The following PAN2 variants were observed in gnomAD, a reference collection of about 807,000 sequenced individuals.
The protein encoded by PAN2 is PAN2-PAN3 deadenylation complex catalytic subunit PAN2.
In PAN2, 68 loss-of-function variants were observed where a neutral mutation model predicts 133.3. The ratio of observed to expected loss-of-function variants is 0.51; its 90% CI spans 0.42 to 0.62. The LOEUF (loss-of-function observed/expected upper bound fraction) is 0.62. Ranked by LOEUF, PAN2 falls within the 20% of genes least tolerant of loss-of-function variation. PAN2 has a pLI of 0.00. For missense variants in PAN2, 1,042 were observed against 1,500.5 expected (o/e 0.69, Z 5.05); for synonymous variants, 462 against 544.6 (o/e 0.85, Z 2.11).
At chr12:56,322,573 G>T in intron 18 of PAN2, 42 bp downstream of exon 18, 1 of 1,612,502 alleles carries the variant, frequency 6.2e-7, no homozygotes, top group Non-Finnish European at 8.5e-7. Context: ...GACTCACTGT[G>T]GCCATCCCAG....
intron 20 of PAN2, among the ~76,000 whole-genome samples, chr12:56,320,310 A>C (rs1221000750): frequency 6.6e-6 from 1 of 152,186 alleles, no homozygotes; most frequent in Non-Finnish European, 1.5e-5. Flanking sequence ...GTTACAGAGA[A>C]ACTATGGTTT....
chr12:56,319,354 A>G lies in PAN2; in HGVS notation c.3224T>C (p.Phe1075Ser). The change falls in exon 23 of 26, where the codon TTT (phenylalanine) becomes TCT (serine). Residue 1075 changes from phenylalanine (F) to serine (S), a missense_variant. Around this residue, in one of 3 missense-constraint regions of PAN2, gnomAD observed 49 missense variants for 160.5 expected, o/e 0.31. Coordinates refer to ENST00000440411, the MANE Select transcript of PAN2 (RefSeq NM_014871.6). This position sits in a 1 kb window ranked among gnomAD's most constrained non-coding sequence, Gnocchi z 5.4. ...LRFLIDIGVK[F>S]VGHGLQKDFR... ...GTCCTTCTGCAGGCCATGACCCACA[A>G]ACTTGACTCCAATGTCAATGAGAAA... 6.2e-7 allele frequency: 1 copy of G among 1,614,148 alleles called. No individual in the cohort carries two copies. Among genetic ancestry groups the G allele is most frequent in the Non-Finnish European group, 8.5e-7 (1 of 1,180,020 alleles).
At position 56,331,730 on chromosome 12, in the gene PAN2, T is replaced by C. The variant is rs148700673; in HGVS notation, c.282+1083A>G. Among the ~76,000 whole-genome samples, 1,320 of 152,224 alleles carry C rather than the reference T, an allele frequency of 8.7e-3. 23 individuals carry two copies. The highest frequency in any genetic ancestry group is 0.031 in the African/African-American group (1,277 of 41,512). ...TTTTTTTTTTGTTTTTTGTTTTTTT[T>C]TGAGACGGAGTCTCGCTCTGTCACC... On this transcript the variant is annotated intron_variant, in intron 2 of 25. Coordinates refer to ENST00000440411, the MANE Select transcript of PAN2 (RefSeq NM_014871.6).
Position 56,332,875 on chromosome 12 carries a change from C to T in PAN2, c.220G>A (p.Val74Ile). 1 of 1,614,236 alleles carries T rather than the reference C, an allele frequency of 6.2e-7. No individual in the cohort carries two copies. Among genetic ancestry groups the T allele is most frequent in the Non-Finnish European group, 8.5e-7 (1 of 1,180,050 alleles). Residue 74 changes from valine (V) to isoleucine (I), a missense_variant, in exon 2 of 26, where the codon GTA becomes ATA. Transcript: ENST00000440411. ...ELHSVVAEVG[V>I]PVSVSHFDLH... ...TCAAAGTGGGAGACGGAAACAGGTACACCCACTTCAGCCACCACGCTGTGC... is the reference window on the plus strand; with the variant it reads ...TCAAAGTGGGAGACGGAAACAGGTATACCCACTTCAGCCACCACGCTGTGC...
intron 2 of PAN2, among the ~76,000 whole-genome samples, chr12:56,331,418 G>T (rs1216289516): frequency 6.6e-6 from 1 of 152,120 alleles, no homozygotes; most frequent in Non-Finnish European, 1.5e-5. Flanking sequence ...CTTCCTCCTC[G>T]ATGCCCTTTC....
At position 56,327,634 on chromosome 12, in the gene PAN2, A is replaced by AC. The variant is rs762116988; in HGVS notation, c.652-4_652-3insG. ...GTACGGAGGTCTCTCAGGGAAACCT[A>AC]GAAAAAAAAAATTCAGTTATCTGCA... On this transcript the variant is annotated splice_region_variant and splice_polypyrimidine_tract_variant and intron_variant, in intron 5 of 25. Coordinates refer to ENST00000440411, the MANE Select transcript of PAN2 (RefSeq NM_014871.6). The AC allele has an allele frequency of 5.6e-6, 9 of 1,610,592 alleles. No homozygotes were observed. The highest frequency in any genetic ancestry group is 7.6e-6 in the Non-Finnish European group (9 of 1,177,904).
chr12:56,323,202 G>T lies in PAN2; in HGVS notation c.2353C>A (p.Leu785Ile). The T allele has an allele frequency of 6.2e-7, 1 of 1,614,008 alleles. No individual in the cohort carries two copies. ...ACCAGCACACCCTCTGGACTCCCTA[G>T]TTCCTTCCTATCAGGTCAGAAGAAT... The part of the protein sequence containing the change: ...KEFALADWKE[L>I]GSPEGVLVCP... The change falls in exon 17 of 26, where the codon CTA (leucine) becomes ATA (isoleucine). Residue 785 changes from leucine (L) to isoleucine (I), a missense_variant. Physicochemically the swap from Leu to Ile is conservative, Grantham distance 5. Coordinates refer to ENST00000440411, the MANE Select transcript of PAN2 (RefSeq NM_014871.6).
At position 56,327,358 on chromosome 12, in the gene PAN2, T is replaced by G; in HGVS notation, c.919+6A>C. On this transcript the variant is annotated splice_donor_region_variant and intron_variant, in intron 6 of 25. Transcript: ENST00000440411. ...CCTCCTACCCAATCCCATATGCCCTTCATACCTGACTGAGAGATGATAGCA... is the reference window on the plus strand; with the variant it reads ...CCTCCTACCCAATCCCATATGCCCTGCATACCTGACTGAGAGATGATAGCA... The G allele has an allele frequency of 6.2e-7, 1 of 1,613,998 alleles. No homozygotes were observed. The highest frequency in any genetic ancestry group is 8.5e-7 in the Non-Finnish European group (1 of 1,179,870).
intron 25 of PAN2, 136 bp downstream of exon 25, chr12:56,318,101 C>A: frequency 1.4e-6 from 1 of 711,236 alleles, no homozygotes. Context: ...CACTTGAGCC[C>A]AGGAAGTCGA....
intron 2 of PAN2, among the ~76,000 whole-genome samples, chr12:56,331,855 A>T (rs1340738106): frequency 1.3e-5 from 2 of 152,112 alleles, no homozygotes; most frequent in Admixed American, 1.3e-4. Flanking sequence ...CTGGGACTAC[A>T]GGCGCCTGCC....
chr12:56,328,182 C>T, intron 4 of PAN2, 56 bp downstream of exon 4: 1 of 1,595,314 alleles, frequency 6.3e-7, no homozygotes, highest in South Asian at 1.1e-5. Flanking sequence ...CAAGCATACC[C>T]TGCCCCCGCA....
chr12:56,323,957 CCA>C (rs1874842639), intron 13 of PAN2, 44 bp from the exon 14 acceptor site: 1 of 1,605,978 alleles, frequency 6.2e-7, no homozygotes, highest in Admixed American at 1.7e-5. Context: ...TCCCCTCTAC[CCA>C]CAGTTAGTCC....
chr12:56,323,969 C>T (rs1350511750), intron 13 of PAN2, 56 bp from the exon 14 acceptor site: 2 of 1,607,880 alleles, frequency 1.2e-6, no homozygotes, highest in Non-Finnish European at 1.7e-6. Flanking sequence ...ACAGTTAGTC[C>T]CCAACACCCT....
In PAN2 at chr12:56,317,372, C is replaced by T. The variant is rs1415000681; in HGVS notation, c.*237G>A. The T allele has an allele frequency of 1.8e-6, 1 of 569,748 alleles. No homozygotes were observed. The highest frequency in any genetic ancestry group is 1.9e-5 in the African/African-American group (1 of 53,142). 35.3% of individuals were successfully genotyped at this position (569,748 alleles called of 1,614,324 possible). On this transcript the variant is annotated 3_prime_UTR_variant, in exon 26 of 26. Coordinates refer to ENST00000440411, the MANE Select transcript of PAN2 (RefSeq NM_014871.6). ...ACTTTCCATCTGGGTCAATTCTAGA[C>T]TCCATGTCTGTACCACTGTTTTGCA...
Position 56,323,173 on chromosome 12 carries a change from A to G in PAN2, c.2382T>C (p.Cys794=), listed in dbSNP as rs1379203151. The G allele has an allele frequency of 6.2e-7, 1 of 1,614,170 alleles. No homozygotes were observed. Residue 794 remains cysteine, a synonymous_variant, in exon 17 of 26, where the codon TGT becomes TGC. Coordinates refer to ENST00000440411, the MANE Select transcript of PAN2 (RefSeq NM_014871.6). ...CGTTCTTCAACTCCTCAATGGAGGG[A>G]CACACCAGCACACCCTCTGGACTCC... ...ELGSPEGVLV[C]PSIEELKNVW...
Position 56,319,196 on chromosome 12 carries a change from A to G in PAN2, c.3271-15T>C, listed in dbSNP as rs1874224393. The G allele has an allele frequency of 3.7e-6, 6 of 1,614,126 alleles. No homozygotes were observed. Among genetic ancestry groups the G allele is most frequent in the Non-Finnish European group, 3.4e-6 (4 of 1,180,008 alleles). On this transcript the variant is annotated splice_polypyrimidine_tract_variant and intron_variant, in intron 23 of 25. Transcript: ENST00000440411. This position sits in a 1 kb window ranked among gnomAD's most constrained non-coding sequence, Gnocchi z 5.4. ...TCCTTGGGCACCTGGCAAGGATAAA[A>G]GAGGGGGAGACTTAAGGTAGGGGAC...
intron 5 of PAN2, 87 bp from the exon 6 acceptor site, chr12:56,327,718 AGGAACTAG>A (rs1875278256): frequency 1.4e-6 from 2 of 1,459,842 alleles, no homozygotes; most frequent in African/African-American, 2.8e-5. Context: ...TCCCTACCAA[AGGAACTAG>A]GGCTTTAGGA....
chr12:56,322,206 C>T, intron 19 of PAN2, 38 bp from the exon 20 acceptor site: 1 of 1,328,512 alleles, frequency 7.5e-7, no homozygotes, highest in Non-Finnish European at 1.1e-6. Flanking sequence ...TAATGTATAT[C>T]ACCCTTTTCC....
rs1312774525 is a variant in PAN2 at position 56,324,999 on chromosome 12, C to T, written c.1599+10G>A. ...GGCACGTTCAAGTTACAGGAATACCCAACCCTTACCTGGATCATGCAGTTA... is the reference window on the plus strand; with the variant it reads ...GGCACGTTCAAGTTACAGGAATACCTAACCCTTACCTGGATCATGCAGTTA... On this transcript the variant is annotated intron_variant, in intron 10 of 25. Coordinates refer to ENST00000440411, the MANE Select transcript of PAN2 (RefSeq NM_014871.6). The T allele has an allele frequency of 6.2e-7, 1 of 1,613,304 alleles. No homozygotes were observed. The highest frequency in any genetic ancestry group is 1.3e-5 in the African/African-American group (1 of 74,908).
Sources: allele counts gnomAD v4.1 joint callset (sites outside exome capture counted in the v4.1 genomes callset), GRCh38; gene constraint gnomAD v4.1.1; regional missense constraint gnomAD v4.1.1; non-coding constraint Gnocchi (gnomAD v3.1); transcripts MANE v1.5; gene names NCBI Gene and HGNC (gene_info 2026-07-23, HGNC 2026-07-21).